Variants in FSTL4 observed in about 807,000 individuals in gnomAD.
FSTL4 encodes the protein follistatin-related protein 4.
Under a neutral mutation model 78.2 loss-of-function variants are expected in FSTL4, and 28 were observed. That is an observed-to-expected ratio of 0.36 (90% CI 0.27 to 0.49). FSTL4 has a LOEUF of 0.49. Ranked by LOEUF, FSTL4 falls within the 20% of genes least tolerant of loss-of-function variation. FSTL4 has a pLI of 0.98. For missense variants in FSTL4, 922 were observed against 1,084.9 expected (o/e 0.85, Z 2.11); for synonymous variants, 422 against 440.5 (o/e 0.96, Z 0.53).
Position 133,338,323 on chromosome 5 carries a change from A to G in FSTL4, c.410-21671T>C, listed in dbSNP as rs61434074. 0.098 allele frequency among the ~76,000 whole-genome samples: 14,873 copies of G among 152,054 alleles called. 946 individuals are homozygous for G. The highest frequency in any genetic ancestry group is 0.17 in the African/African-American group (7,049 of 41,404). ...CACACTCTGGACTGGCTCCTGCGGG[A>G]GAACACAAGAGTGGCCATGGAACTG... On this transcript the variant is annotated intron_variant, in intron 4 of 15. Coordinates refer to ENST00000265342, the MANE Select transcript of FSTL4 (RefSeq NM_015082.2). This position sits in a 1 kb window ranked among gnomAD's most constrained non-coding sequence, Gnocchi z 4.0.
chr5:133,681,314 C>T, the FSTL4 span, among the ~76,000 whole-genome samples: 265 of 152,336 alleles, frequency 1.7e-3, no homozygotes, highest in Middle Eastern at 0.014. Context: ...TGAGGCAGGG[C>T]AGACCTCTGC....
chr5:133,688,932 C>T, the FSTL4 span, among the ~76,000 whole-genome samples: 1 of 152,216 alleles, frequency 6.6e-6, no homozygotes, highest in South Asian at 2.1e-4. Context: ...CCTCCTCACA[C>T]GACTTGGTCC....
chr5:133,538,075 A>G (rs1094789), intron 3 of FSTL4, among the ~76,000 whole-genome samples: 11,768 of 151,760 alleles, frequency 0.078, 559 homozygotes, highest in Non-Finnish European at 0.099. Context: ...TCCACAGTCC[A>G]TATTCAATTT....
At chr5:133,841,801 T>G in the FSTL4 span, among the ~76,000 whole-genome samples, 190 of 152,330 alleles carry the variant, frequency 1.2e-3, no homozygotes, top group Non-Finnish European at 1.9e-3. Flanking sequence ...TGCCATCACT[T>G]GTCTTCTCCT....
intron 3 of FSTL4, among the ~76,000 whole-genome samples, chr5:133,445,710 C>T (rs1023314399): frequency 1.3e-5 from 2 of 152,182 alleles, no homozygotes; most frequent in African/African-American, 2.4e-5. Context: ...TTCCCCAAAA[C>T]GTGCACAGGC....
At chr5:133,257,110 T>G (rs182090134) in intron 6 of FSTL4, among the ~76,000 whole-genome samples, 66 of 152,340 alleles carry the variant, frequency 4.3e-4, no homozygotes, top group African/African-American at 1.4e-3. Context: ...GCAAGTGAAC[T>G]ATTAGGCTAG....
chr5:133,342,829 C>A (rs1201764438), intron 4 of FSTL4, among the ~76,000 whole-genome samples: 1 of 152,198 alleles, frequency 6.6e-6, no homozygotes, highest in Admixed American at 6.5e-5. Flanking sequence ...TGGTCGTTTG[C>A]CTTCACGCTG....
At chr5:133,214,153 GAAC>G (rs777291196) in intron 13 of FSTL4, among the ~76,000 whole-genome samples, 1 of 152,174 alleles carries the variant, frequency 6.6e-6, no homozygotes, top group Non-Finnish European at 1.5e-5. Flanking sequence ...GGATAGATCT[GAAC>G]AATACAATGA....
At chr5:133,439,048 C>T (rs1175725359) in intron 3 of FSTL4, among the ~76,000 whole-genome samples, 1 of 152,212 alleles carries the variant, frequency 6.6e-6, no homozygotes, top group East Asian at 1.9e-4. Context: ...CTTATTGTAA[C>T]ACTGTCTAGA....
At chr5:133,305,889 T>C (rs1033958834) in intron 6 of FSTL4, among the ~76,000 whole-genome samples, 2 of 152,298 alleles carry the variant, frequency 1.3e-5, no homozygotes, top group Non-Finnish European at 1.5e-5. Flanking sequence ...AGTGTACAGA[T>C]GGGAGATGAG....
intron 4 of FSTL4, among the ~76,000 whole-genome samples, chr5:133,323,547 T>A (rs1754125161): frequency 6.6e-6 from 1 of 152,250 alleles, no homozygotes; most frequent in Non-Finnish European, 1.5e-5. Context: ...ACATGCCCCA[T>A]CTGGGGCTTC....
chr5:133,809,715 T>G, the FSTL4 span, among the ~76,000 whole-genome samples: 4 of 152,004 alleles, frequency 2.6e-5, no homozygotes, highest in Non-Finnish European at 4.4e-5. Flanking sequence ...TAAGGACCAG[T>G]GTGAGGACTA....
intron 4 of FSTL4, among the ~76,000 whole-genome samples, chr5:133,327,555 G>T (rs898521775): frequency 6.6e-6 from 1 of 152,178 alleles, no homozygotes; most frequent in African/African-American, 2.4e-5. Context: ...GAGGGTGCCC[G>T]CCTCTCAGCC....
At position 133,312,412 on chromosome 5, in the gene FSTL4, C is replaced by T. The variant is rs538766282; in HGVS notation, c.727+242G>A. On this transcript the variant is annotated intron_variant, in intron 6 of 15. Coordinates refer to ENST00000265342, the MANE Select transcript of FSTL4 (RefSeq NM_015082.2). ...CTATGCTTCAATTACAGTCCTGGGC[C>T]CCTCAAAGAGCGAGAAAAATCTTTA... 298 of 536,242 alleles carry T rather than the reference C, an allele frequency of 5.6e-4. 5 individuals carry two copies. Among genetic ancestry groups the T allele is most frequent in the South Asian group, 5.1e-3 (227 of 44,114 alleles). 33.2% of individuals were successfully genotyped at this position (536,242 alleles called of 1,614,324 possible). A position where few individuals can be genotyped will look rare whatever the true frequency, so the allele number is the denominator to read the frequency against.
intron 4 of FSTL4, among the ~76,000 whole-genome samples, chr5:133,336,709 C>T (rs1754472231): frequency 6.6e-6 from 1 of 152,192 alleles, no homozygotes; most frequent in African/African-American, 2.4e-5. Context: ...AGTTCTGTCC[C>T]ATGGTTCCCT....
intron 3 of FSTL4, among the ~76,000 whole-genome samples, chr5:133,491,285 T>C (rs28520884): frequency 0.012 from 1,895 of 152,356 alleles, 39 homozygotes; most frequent in African/African-American, 0.044. Context: ...CATATAGGTT[T>C]ATGATTATTA....
At chr5:133,659,576 G>A in the FSTL4 span, among the ~76,000 whole-genome samples, 2 of 151,042 alleles carry the variant, frequency 1.3e-5, no homozygotes, top group South Asian at 4.2e-4. Flanking sequence ...TACTATTATT[G>A]TAATTCCTAT....
At chr5:133,340,867 C>T (rs1330945174) in intron 4 of FSTL4, among the ~76,000 whole-genome samples, 3 of 152,138 alleles carry the variant, frequency 2.0e-5, no homozygotes, top group African/African-American at 7.2e-5. Context: ...ATAATTCACT[C>T]AGATAACTCA....
At chr5:133,838,113 C>G in the FSTL4 span, among the ~76,000 whole-genome samples, 2 of 152,086 alleles carry the variant, frequency 1.3e-5, no homozygotes, top group African/African-American at 4.8e-5. Context: ...GTCTGGAACT[C>G]CTGACATCAG....
Sources: allele counts gnomAD v4.1 joint callset (sites outside exome capture counted in the v4.1 genomes callset), GRCh38; gene constraint gnomAD v4.1.1; non-coding constraint Gnocchi (gnomAD v3.1); transcripts MANE v1.5; gene names NCBI Gene and HGNC (gene_info 2026-07-23, HGNC 2026-07-21).